SERPINE2: variants seen among roughly 807,000 people sequenced by gnomAD.
SERPINE2 encodes glia-derived nexin.
A neutral mutation model predicts 36.3 loss-of-function variants in SERPINE2; 14 were observed. The ratio of observed to expected loss-of-function variants is 0.39; its 90% CI spans 0.25 to 0.60. The LOEUF is 0.60. SERPINE2 is among the 20% of genes least tolerant of loss of function. SERPINE2 has a pLI of 0.57. For missense variants in SERPINE2, 418 were observed against 499.6 expected, an observed-to-expected ratio of 0.84 and a Z score of 1.56; for synonymous variants, 192 against 191.8, an observed-to-expected ratio of 1.00 and a Z score of -0.01.
At chr2:224,026,680 T>C (rs551661988) in intron 1 of SERPINE2, among the ~76,000 whole-genome samples, 2 of 152,330 alleles carry the variant, frequency 1.3e-5, no homozygotes, top group East Asian at 1.9e-4. Context: ...GAAACTTCTG[T>C]ATTTCAGTGC....
chr2:224,035,396 G>GTTTTTGTTTTTA (rs1377668427), intron 1 of SERPINE2, among the ~76,000 whole-genome samples: 1 of 36,062 alleles, frequency 2.8e-5, no homozygotes, highest in Admixed American at 3.7e-4. Flanking sequence ...TTTTGTTTTT[G>GTTTTTGTTTTTA]TTTTGAGACA....
chr2:223,985,715 G>A (rs1690400830), intron 4 of SERPINE2, among the ~76,000 whole-genome samples: 1 of 152,196 alleles, frequency 6.6e-6, no homozygotes, highest in South Asian at 2.1e-4. Context: ...ACCTCCAAAG[G>A]ATGCACGGCT....
intron 6 of SERPINE2, 89 bp from the exon 7 acceptor site, chr2:223,980,486 T>A (rs371707789): frequency 2.8e-5 from 32 of 1,129,534 alleles, no homozygotes; most frequent in South Asian, 2.4e-4. Context: ...CTCAAAGCCA[T>A]GGCAAATTCC....
chr2:224,010,845 A>T (rs1196680352), intron 1 of SERPINE2, among the ~76,000 whole-genome samples: 1 of 152,172 alleles, frequency 6.6e-6, no homozygotes, highest in East Asian at 1.9e-4. Context: ...AAATACTCTG[A>T]TTTGTATTTC....
chr2:223,981,527 T>C (rs1172889313), intron 6 of SERPINE2: 1 of 152,196 alleles, frequency 6.6e-6, no homozygotes, highest in Non-Finnish European at 1.5e-5. Flanking sequence ...GCTATCAGAA[T>C]ATCCATGGAG....
At chr2:224,014,650 T>G (rs4674840) in intron 1 of SERPINE2, among the ~76,000 whole-genome samples, 124,726 of 152,100 alleles carry the variant, frequency 0.82, 51,949 homozygotes, top group Non-Finnish European at 0.91. Flanking sequence ...GGGTACTGCA[T>G]AAGGAAACCC....
At chr2:224,006,688 C>T (rs963498808) in intron 1 of SERPINE2, among the ~76,000 whole-genome samples, 8 of 152,124 alleles carry the variant, frequency 5.3e-5, no homozygotes, top group Non-Finnish European at 7.3e-5. Context: ...GAGGTTGACC[C>T]GTGGGACTAA....
At chr2:224,030,907 C>T in intron 1 of SERPINE2, 1 of 956,280 alleles carries the variant, frequency 1.0e-6, no homozygotes, top group East Asian at 1.2e-4. Flanking sequence ...GATTTCAGTC[C>T]CAGAAAAAAA....
At chr2:223,976,038 C>T in intron 8 of SERPINE2, 134 bp from the exon 9 acceptor site, 2 of 660,898 alleles carry the variant, frequency 3.0e-6, no homozygotes, top group Non-Finnish European at 2.4e-6. Flanking sequence ...GTATAACTTT[C>T]TGCAGTGGTA....
chr2:224,015,062 T>C (rs1192013641), intron 1 of SERPINE2, among the ~76,000 whole-genome samples: 3 of 145,792 alleles, frequency 2.1e-5, no homozygotes, highest in Non-Finnish European at 3.0e-5. Context: ...CCAGGGAGGG[T>C]GGTGCCGTGG....
rs187688897 is a variant in SERPINE2, at chr2:224,017,092, A to G, written c.-22-15170T>C. Among the ~76,000 whole-genome samples the G allele has an allele frequency of 3.8e-3, 573 of 152,310 alleles. 3 individuals are homozygous for G. The highest frequency in any genetic ancestry group is 0.013 in the African/African-American group (542 of 41,558). Reference sequence around the variant, plus strand: ...AAGTCCATACATGTGATAAAACTGCATAGAAGTAAATGCACACACCCCAGT... The same window carrying G: ...AAGTCCATACATGTGATAAAACTGCGTAGAAGTAAATGCACACACCCCAGT... On this transcript the variant is annotated intron_variant, in intron 1 of 8. Transcript: ENST00000409304.
intron 1 of SERPINE2, among the ~76,000 whole-genome samples, chr2:224,029,239 G>A (rs1379887228): frequency 1.3e-5 from 2 of 152,312 alleles, no homozygotes; most frequent in East Asian, 3.9e-4. Context: ...CCTTTAGAAA[G>A]AAAGCTCTCC....
At chr2:224,018,415 G>T (rs996576140) in intron 1 of SERPINE2, among the ~76,000 whole-genome samples, 1 of 152,068 alleles carries the variant, frequency 6.6e-6, no homozygotes, top group Non-Finnish European at 1.5e-5. Flanking sequence ...TCACAGTTTT[G>T]TTTAGATGGA....
intron 2 of SERPINE2, among the ~76,000 whole-genome samples, chr2:224,001,042 C>G (rs1254345511): frequency 6.6e-6 from 1 of 152,064 alleles, no homozygotes; most frequent in African/African-American, 2.4e-5. Context: ...ACGTGCCTTT[C>G]ACCCAGTCTT....
At chr2:224,029,561 C>T (rs925909082) in intron 1 of SERPINE2, among the ~76,000 whole-genome samples, 1 of 152,308 alleles carries the variant, frequency 6.6e-6, no homozygotes, top group South Asian at 2.1e-4. Context: ...TTCTTGGTAT[C>T]TGGACATCAC....
Position 224,029,531 on chromosome 2 carries a change from C to T in SERPINE2, c.-23+9568G>A, listed in dbSNP as rs183385900. Among the ~76,000 whole-genome samples the T allele has an allele frequency of 2.6e-4, 40 of 152,250 alleles. No homozygotes were observed. The East Asian group carries it at 7.7e-3, about 29-fold the overall frequency. ...CACCATGTGCTTTAACAATATTCACCATATGTTTAAAATAGTTATTTCTTG... is the reference window on the plus strand; with the variant it reads ...CACCATGTGCTTTAACAATATTCACTATATGTTTAAAATAGTTATTTCTTG... On this transcript the variant is annotated intron_variant, in intron 1 of 8. Coordinates refer to ENST00000409304, the MANE Select transcript of SERPINE2 (RefSeq NM_001136528.2).
chr2:223,995,702 G>A (rs1448439878), intron 3 of SERPINE2, among the ~76,000 whole-genome samples: 1 of 152,186 alleles, frequency 6.6e-6, no homozygotes, highest in African/African-American at 2.4e-5. Context: ...AGCAGAGCCT[G>A]TGCTTTGTTT....
At chr2:224,036,735 G>C (rs1226301877) in intron 1 of SERPINE2, among the ~76,000 whole-genome samples, 1 of 152,052 alleles carries the variant, frequency 6.6e-6, no homozygotes, top group Non-Finnish European at 1.5e-5. Flanking sequence ...GAACAGGAAG[G>C]GCAGACCAGT....
Position 223,977,583 on chromosome 2 carries a change from C to T in SERPINE2, c.1117G>A (p.Asp373Asn), listed in dbSNP as rs1490641997. The T allele has an allele frequency of 6.2e-7, 1 of 1,613,520 alleles. No individual in the cohort carries two copies. Among genetic ancestry groups the T allele is most frequent in the South Asian group, 1.1e-5 (1 of 91,064 alleles). Residue 373 changes from aspartate to asparagine, a missense_variant, in exon 8 of 9, where the codon GAC becomes AAC. Asp to Asn is a conservative substitution (Grantham distance 23). Transcript: ENST00000409304. ...ARSSPPWFIV[D>N]RPFLFFIRHN... ...CGGATGAAAAACAGAAAAGGTCTGTCTACTATAAACCAGGGAGGCGATGAT... is the reference window on the plus strand; with the variant it reads ...CGGATGAAAAACAGAAAAGGTCTGTTTACTATAAACCAGGGAGGCGATGAT...
Sources: gnomAD v4.1 joint callset for allele counts (sites outside exome capture counted in the v4.1 genomes callset) on GRCh38, gnomAD v4.1.1 for gene constraint, MANE v1.5 for transcripts, NCBI Gene and HGNC (gene_info 2026-07-23, HGNC 2026-07-21) for gene names.